The following FSTL4 variants were observed in gnomAD, a reference collection of about 807,000 sequenced individuals.
FSTL4 encodes the protein follistatin like 4.
In FSTL4, 28 loss-of-function variants were observed where a neutral mutation model predicts 78.2. The ratio of observed to expected loss-of-function variants is 0.36; its 90% CI spans 0.27 to 0.49. The LOEUF (loss-of-function observed/expected upper bound fraction) is 0.49. Ranked by LOEUF, FSTL4 falls within the 20% of genes least tolerant of loss-of-function variation. The pLI is 0.98. For synonymous variants in FSTL4, 422 were observed against 440.5 expected, an observed-to-expected ratio of 0.96 and a Z score of 0.53; for missense variants, 922 against 1,084.9, an observed-to-expected ratio of 0.85 and a Z score of 2.11.
chr5:133,648,533 T>C, the FSTL4 span, among the ~76,000 whole-genome samples: 9 of 152,134 alleles, frequency 5.9e-5, no homozygotes, highest in African/African-American at 2.2e-4. Flanking sequence ...TAGGCATTCA[T>C]CAACCCCCTA....
the FSTL4 span, among the ~76,000 whole-genome samples, chr5:133,723,891 G>A: frequency 1.7e-3 from 253 of 152,292 alleles, 1 homozygote; most frequent in Non-Finnish European, 3.3e-3. Flanking sequence ...CTGGGGAAAC[G>A]GAGAAGCTCC....
chr5:133,251,930 A>C (rs1466677561), intron 6 of FSTL4, among the ~76,000 whole-genome samples: 2 of 152,142 alleles, frequency 1.3e-5, no homozygotes, highest in African/African-American at 4.8e-5. Flanking sequence ...AGCCCAGATC[A>C]TGAGCACACC....
At chr5:133,576,642 C>A (rs1270984741) in intron 2 of FSTL4, among the ~76,000 whole-genome samples, 2 of 152,156 alleles carry the variant, frequency 1.3e-5, no homozygotes, top group African/African-American at 4.8e-5. Flanking sequence ...CTGGCAGCAC[C>A]TCCATCCAGC....
At chr5:133,550,526 T>G (rs1018089062) in intron 3 of FSTL4, among the ~76,000 whole-genome samples, 5 of 152,170 alleles carry the variant, frequency 3.3e-5, no homozygotes, top group African/African-American at 1.2e-4. Flanking sequence ...CAATGATGGC[T>G]AATATAGAGC....
chr5:133,489,616 C>G (rs1362938123), intron 3 of FSTL4, among the ~76,000 whole-genome samples: 1 of 152,150 alleles, frequency 6.6e-6, no homozygotes, highest in East Asian at 1.9e-4. Flanking sequence ...GGGACCAATG[C>G]CAGTTCTGGT....
At chr5:133,342,878 C>G (rs558433209) in intron 4 of FSTL4, among the ~76,000 whole-genome samples, 8 of 152,126 alleles carry the variant, frequency 5.3e-5, no homozygotes, top group Non-Finnish European at 1.0e-4. Context: ...CCCATGGTAC[C>G]CAGAGTATGC....
At chr5:133,201,799 C>T (rs188389693) in intron 15 of FSTL4, 134 bp downstream of exon 15, 29 of 565,212 alleles carry the variant, frequency 5.1e-5, no homozygotes, top group African/African-American at 3.3e-4. Context: ...TCTGTTCCTT[C>T]GTGATGGGGT....
chr5:133,293,355 G>C (rs1753312856), intron 6 of FSTL4, among the ~76,000 whole-genome samples: 1 of 152,170 alleles, frequency 6.6e-6, no homozygotes, highest in Admixed American at 6.5e-5. Context: ...ACTCTTCCCT[G>C]TGGGTGTCTA....
At chr5:133,786,331 G>A in the FSTL4 span, among the ~76,000 whole-genome samples, 1 of 152,214 alleles carries the variant, frequency 6.6e-6, no homozygotes, top group African/African-American at 2.4e-5. Context: ...GGCCAAAACG[G>A]AGGCCAGATC....
At chr5:133,436,376 A>G (rs1050328687) in intron 3 of FSTL4, among the ~76,000 whole-genome samples, 2 of 152,136 alleles carry the variant, frequency 1.3e-5, no homozygotes, top group Non-Finnish European at 2.9e-5. Context: ...ATGGAGGATG[A>G]CCTGTGGCAG....
intron 3 of FSTL4, among the ~76,000 whole-genome samples, chr5:133,411,430 T>C (rs11748946): frequency 0.17 from 25,096 of 152,094 alleles, 2,265 homozygotes; most frequent in Non-Finnish European, 0.21. Context: ...ACTATTGAGA[T>C]GTCAAGTCTT....
chr5:133,430,228 G>A (rs114623914), intron 3 of FSTL4, among the ~76,000 whole-genome samples: 1 of 152,182 alleles, frequency 6.6e-6, no homozygotes, highest in African/African-American at 2.4e-5. Context: ...TTAGTTAATT[G>A]TCTTTGTTTC....
chr5:133,663,884 A>G, the FSTL4 span, among the ~76,000 whole-genome samples: 55 of 152,312 alleles, frequency 3.6e-4, 1 homozygote, highest in Admixed American at 3.3e-3. Context: ...AAGCCTCTCT[A>G]GGGAATCTTC....
chr5:133,486,085 C>A (rs921084891), intron 3 of FSTL4, among the ~76,000 whole-genome samples: 1 of 152,100 alleles, frequency 6.6e-6, no homozygotes, highest in African/African-American at 2.4e-5. Flanking sequence ...CTTCATGCGA[C>A]CATCGGTAAA....
At chr5:133,733,732 T>C in the FSTL4 span, among the ~76,000 whole-genome samples, 9 of 152,250 alleles carry the variant, frequency 5.9e-5, no homozygotes, top group Admixed American at 1.3e-4. Context: ...CAAACATTTA[T>C]TAGCTCATGG....
At chr5:133,788,182 G>A in the FSTL4 span, among the ~76,000 whole-genome samples, 15 of 152,212 alleles carry the variant, frequency 9.9e-5, no homozygotes, top group Non-Finnish European at 1.6e-4. Flanking sequence ...AGAAGGGGAC[G>A]TGAGATGGGG....
chr5:133,732,040 G>A, the FSTL4 span, among the ~76,000 whole-genome samples: 1 of 152,120 alleles, frequency 6.6e-6, no homozygotes, highest in Non-Finnish European at 1.5e-5. Context: ...TCAGGCACAA[G>A]CAACCTGTGT....
chr5:133,559,562 T>A (rs895732070), intron 3 of FSTL4, among the ~76,000 whole-genome samples: 1 of 152,188 alleles, frequency 6.6e-6, no homozygotes, highest in African/African-American at 2.4e-5. Context: ...CAGTGGTTCA[T>A]ACCCTTTAGG....
chr5:133,390,545 C>T (rs1003907604), intron 4 of FSTL4, among the ~76,000 whole-genome samples: 2 of 152,238 alleles, frequency 1.3e-5, no homozygotes, highest in Admixed American at 6.5e-5. Flanking sequence ...TCCCGGAGAC[C>T]CAGGATGCTG....
Sources: allele counts gnomAD v4.1 joint callset (sites outside exome capture counted in the v4.1 genomes callset), GRCh38; gene constraint gnomAD v4.1.1; transcripts MANE v1.5; gene names NCBI Gene and HGNC (gene_info 2026-07-23, HGNC 2026-07-21).